PPP1R12B: variants seen among roughly 807,000 people sequenced by gnomAD.
PPP1R12B encodes the protein myosin phosphatase target subunit 2.
In PPP1R12B, 76 loss-of-function variants were observed where a neutral mutation model predicts 126.1. That is an observed-to-expected ratio of 0.60 (90% CI 0.50 to 0.73). PPP1R12B has a LOEUF of 0.73. Among genes scored for constraint, PPP1R12B ranks in the 30% least tolerant of loss-of-function variants. The pLI is 0.00. For synonymous variants in PPP1R12B, 356 were observed against 434.7 expected, an observed-to-expected ratio of 0.82 and a Z score of 2.25; for missense variants, 1,052 against 1,205.1, an observed-to-expected ratio of 0.87 and a Z score of 1.88.
chr1:202,562,578 T>G, intron 19 of PPP1R12B, 200 bp from the exon 20 acceptor site: 1 of 748,402 alleles, frequency 1.3e-6, no homozygotes, highest in East Asian at 2.6e-5. Flanking sequence ...ATGGTCAGCC[T>G]CCCTCTCCAA....
At position 202,368,107 on chromosome 1, in the gene PPP1R12B, T is replaced by A. The variant is rs886520419; in HGVS notation, c.291+18965T>A. On this transcript the variant is annotated intron_variant, in intron 1 of 23. Transcript: ENST00000608999. ...GCCTCAGTTTCCCGAGTAGCTGGGA[T>A]TATAGGCGCCTGCCACCACACCCGG... Among the ~76,000 whole-genome samples, 3 of 151,972 alleles carry A rather than the reference T, an allele frequency of 2.0e-5. 1 individual carries two copies. The highest frequency in any genetic ancestry group is 2.0e-4 in the Admixed American group (3 of 15,238).
In PPP1R12B at chr1:202,588,305, C is replaced by T. The variant is rs1246295972; in HGVS notation, c.*7745C>T. ...TGAGTTGTATGGATTAACTTCAGTC[C>T]ACTGTAAATACACCTGGGATGGGGT... On this transcript the variant is annotated 3_prime_UTR_variant, in exon 24 of 24. Transcript: ENST00000608999. 2 of 152,510 alleles carry T rather than the reference C, an allele frequency of 1.3e-5. No individual in the cohort carries two copies. Among genetic ancestry groups the T allele is most frequent in the Non-Finnish European group, 2.9e-5 (2 of 68,032 alleles). The allele number at this position is 152,510 out of a possible 1,614,324, so 9.4% of individuals were successfully genotyped here. A position where few individuals can be genotyped will look rare whatever the true frequency, so the allele number is the denominator to read the frequency against.
intron 18 of PPP1R12B, among the ~76,000 whole-genome samples, chr1:202,523,603 CAGAGCGTCATAGGCCTTTGTCAT>C (rs1285013499): frequency 6.6e-6 from 1 of 152,210 alleles, no homozygotes; most frequent in African/African-American, 2.4e-5. Flanking sequence ...CATCTGAATG[CAGAGCGTCATAGGCCTTTGTCAT>C]TTACTATGCA....
At chr1:202,511,733 T>C (rs1037803046) in intron 18 of PPP1R12B, among the ~76,000 whole-genome samples, 31 of 152,074 alleles carry the variant, frequency 2.0e-4, no homozygotes, top group African/African-American at 7.5e-4. Flanking sequence ...CATTCCTTTT[T>C]ATGGTTGAGT....
At chr1:202,495,197 C>T in intron 15 of PPP1R12B, 96 bp from the exon 16 acceptor site, 2 of 1,062,042 alleles carry the variant, frequency 1.9e-6, no homozygotes, top group Non-Finnish European at 1.3e-6. Flanking sequence ...ACTCATAAGC[C>T]CCTTAATATA....
At position 202,495,247 on chromosome 1, in the gene PPP1R12B, T is replaced by C; in HGVS notation, c.2146-46T>C. 3 of 1,488,494 alleles carry C rather than the reference T, an allele frequency of 2.0e-6. No individual in the cohort carries two copies. The South Asian group carries it at 4.1e-5, about 20-fold the overall frequency. The allele number at this position is 1,488,494 out of a possible 1,614,324, so 92.2% of individuals were successfully genotyped here. On this transcript the variant is annotated intron_variant, in intron 15 of 23. Coordinates refer to ENST00000608999, the MANE Select transcript of PPP1R12B (RefSeq NM_002481.4). Reference sequence around the variant, plus strand: ...GTATAAACCTGCTGTCCTTACTCTTTAGATGGACTTGATTTCTAATATCTC... The same window carrying C: ...GTATAAACCTGCTGTCCTTACTCTTCAGATGGACTTGATTTCTAATATCTC...
At chr1:202,542,749 T>C (rs1685254335) in intron 18 of PPP1R12B, among the ~76,000 whole-genome samples, 1 of 152,144 alleles carries the variant, frequency 6.6e-6, no homozygotes, top group Non-Finnish European at 1.5e-5. Flanking sequence ...GGCTTCAGGG[T>C]CTTTGTATTT....
At chr1:202,535,280 G>A (rs759746246) in intron 18 of PPP1R12B, among the ~76,000 whole-genome samples, 1 of 151,980 alleles carries the variant, frequency 6.6e-6, no homozygotes, top group Non-Finnish European at 1.5e-5. Context: ...TATATTGCTA[G>A]CATTGGAAAT....
chr1:202,375,028 C>T (rs187486927), intron 1 of PPP1R12B, among the ~76,000 whole-genome samples: 124 of 152,286 alleles, frequency 8.1e-4, no homozygotes, highest in African/African-American at 2.7e-3. Context: ...CTGCAACCTT[C>T]GCCTCCTGGG....
At chr1:202,465,312 T>C (rs1674835467) in intron 13 of PPP1R12B, among the ~76,000 whole-genome samples, 1 of 152,182 alleles carries the variant, frequency 6.6e-6, no homozygotes, top group African/African-American at 2.4e-5. Flanking sequence ...TGGATATTTG[T>C]ATACCATGAG....
At chr1:202,400,223 T>C (rs1225386787) in intron 1 of PPP1R12B, among the ~76,000 whole-genome samples, 2 of 152,216 alleles carry the variant, frequency 1.3e-5, no homozygotes, top group African/African-American at 2.4e-5. Flanking sequence ...AACTAGGAGA[T>C]TTCTATCCTC....
At chr1:202,548,776 G>GTCTCTCTCTCTCTC (rs1196499777) in intron 18 of PPP1R12B, among the ~76,000 whole-genome samples, 1 of 98,922 alleles carries the variant, frequency 1.0e-5, no homozygotes, top group African/African-American at 4.3e-5. Flanking sequence ...CTCGCTCGCT[G>GTCTCTCTCTCTCTC]TCTCTCTCTC....
chr1:202,415,815 A>AT (rs779648050), intron 1 of PPP1R12B, among the ~76,000 whole-genome samples: 5 of 152,112 alleles, frequency 3.3e-5, no homozygotes, highest in Non-Finnish European at 7.4e-5. Flanking sequence ...ATGAAAATAC[A>AT]TTTTTTCTGT....
intron 18 of PPP1R12B, among the ~76,000 whole-genome samples, chr1:202,541,483 T>C (rs1417542202): frequency 6.6e-6 from 1 of 152,192 alleles, no homozygotes; most frequent in Non-Finnish European, 1.5e-5. Flanking sequence ...GTACCTTTTT[T>C]TCCCAAGGAG....
intron 1 of PPP1R12B, among the ~76,000 whole-genome samples, chr1:202,390,375 G>A (rs1663942699): frequency 6.6e-6 from 1 of 152,082 alleles, no homozygotes; most frequent in African/African-American, 2.4e-5. Context: ...TTAATTGATT[G>A]AATTTAATGA....
intron 18 of PPP1R12B, among the ~76,000 whole-genome samples, chr1:202,551,279 A>G (rs2148986006): frequency 6.6e-6 from 1 of 152,346 alleles, no homozygotes; most frequent in South Asian, 2.1e-4. Context: ...GTCAGTAAAG[A>G]CAAATCAAGA....
In PPP1R12B at chr1:202,588,861, A is replaced by AGATAGATAGAT. The variant is rs1553332208; in HGVS notation, c.*8302_*8312dup. 1 of 145,348 alleles carries AGATAGATAGAT rather than the reference A, an allele frequency of 6.9e-6. No homozygotes were observed. Among genetic ancestry groups the AGATAGATAGAT allele is most frequent in the Non-Finnish European group, 1.5e-5 (1 of 67,282 alleles). 9.0% of individuals were successfully genotyped at this position (145,348 alleles called of 1,614,324 possible). A position where few individuals can be genotyped will look rare whatever the true frequency, so the allele number is the denominator to read the frequency against. ...TAGATAGATAGATAGATAGATAGAT[A>AGATAGATAGAT]GATAGATAGATATCAAGGTTCCAAG... On this transcript the variant is annotated 3_prime_UTR_variant, in exon 24 of 24. Coordinates refer to ENST00000608999, the MANE Select transcript of PPP1R12B (RefSeq NM_002481.4).
At chr1:202,528,759 A>G (rs1465236165) in intron 18 of PPP1R12B, among the ~76,000 whole-genome samples, 2 of 151,534 alleles carry the variant, frequency 1.3e-5, no homozygotes, top group Admixed American at 6.6e-5. Context: ...TTTTTTTTAC[A>G]TATATACACA....
chr1:202,536,847 A>G lies in PPP1R12B; in HGVS notation c.2491-22030A>G, dbSNP rs2148952744. On this transcript the variant is annotated intron_variant, in intron 18 of 23. Coordinates refer to ENST00000608999, the MANE Select transcript of PPP1R12B (RefSeq NM_002481.4). ...CATTAGCTTAGGCCTACACAGGGTC[A>G]GAATCATCAGTATCACTGTCTTTCA... 2.0e-5 allele frequency among the ~76,000 whole-genome samples: 3 copies of G among 152,290 alleles called. No individual in the cohort carries two copies. In the South Asian group the frequency reaches 6.2e-4, roughly 32 times the overall value.
Sources: gnomAD v4.1 joint callset for allele counts (sites outside exome capture counted in the v4.1 genomes callset) on GRCh38, gnomAD v4.1.1 for gene constraint, MANE v1.5 for transcripts, NCBI Gene and HGNC (gene_info 2026-07-23, HGNC 2026-07-21) for gene names.